The following CTNND2 variants were observed in gnomAD, a reference collection of about 807,000 sequenced individuals.
CTNND2 encodes catenin delta-2.
Under a neutral mutation model 144.4 loss-of-function variants are expected in CTNND2, and 22 were observed. The ratio of observed to expected loss-of-function variants is 0.15; its 90% confidence interval spans 0.11 to 0.22. CTNND2 has a LOEUF of 0.22. CTNND2 is among the 10% of genes least tolerant of loss of function. The pLI is 1.00. For synonymous variants in CTNND2, 751 were observed against 695.6 expected, an observed-to-expected ratio of 1.08 and a Z score of -1.25; for missense variants, 1,353 against 1,618.8, an observed-to-expected ratio of 0.84 and a Z score of 2.82.
chr5:11,413,580 G>A (rs1308157710), intron 3 of CTNND2, among the ~76,000 whole-genome samples: 1 of 152,162 alleles, frequency 6.6e-6, no homozygotes, highest in Non-Finnish European at 1.5e-5. Context: ...GCTTACTTGT[G>A]TCAGAATCAC....
chr5:11,709,171 G>A (rs560723717), intron 2 of CTNND2, among the ~76,000 whole-genome samples: 11 of 152,184 alleles, frequency 7.2e-5, no homozygotes, highest in Non-Finnish European at 1.5e-4. Flanking sequence ...TGACACACCC[G>A]GCTACTGAAG....
At chr5:11,102,001 A>T (rs913550065) in intron 14 of CTNND2, among the ~76,000 whole-genome samples, 1 of 151,938 alleles carries the variant, frequency 6.6e-6, no homozygotes. Context: ...ACGAAGACAG[A>T]GGCATTTGTG....
At chr5:11,354,149 C>T (rs534223682) in intron 8 of CTNND2, among the ~76,000 whole-genome samples, 28 of 152,206 alleles carry the variant, frequency 1.8e-4, no homozygotes, top group African/African-American at 6.3e-4. Context: ...TGGTTTCACA[C>T]GAGGCTCAAC....
intron 12 of CTNND2, among the ~76,000 whole-genome samples, chr5:11,151,907 GAT>G (rs1757786870): frequency 6.6e-6 from 1 of 152,166 alleles, no homozygotes; most frequent in Non-Finnish European, 1.5e-5. Context: ...TTTGGACAAT[GAT>G]ACTCCTTTTG....
chr5:11,639,054 G>T (rs1019548060), intron 2 of CTNND2, among the ~76,000 whole-genome samples: 3 of 152,086 alleles, frequency 2.0e-5, no homozygotes, highest in Non-Finnish European at 2.9e-5. Flanking sequence ...TACATTGGTA[G>T]TCTCCAAAAG....
chr5:11,844,577 T>C (rs1794644095), intron 1 of CTNND2, among the ~76,000 whole-genome samples: 1 of 152,178 alleles, frequency 6.6e-6, no homozygotes, highest in Admixed American at 6.5e-5. Context: ...GCTCTGGCAT[T>C]AGTATTACAA....
chr5:11,293,672 C>A (rs1748598184), intron 9 of CTNND2, among the ~76,000 whole-genome samples: 1 of 150,756 alleles, frequency 6.6e-6, no homozygotes, highest in East Asian at 2.0e-4. Context: ...AAAAAGCATT[C>A]AACAGCCCCG....
intron 9 of CTNND2, among the ~76,000 whole-genome samples, chr5:11,328,663 A>C (rs258841): frequency 0.15 from 23,090 of 152,008 alleles, 3,987 homozygotes; most frequent in African/African-American, 0.43. Flanking sequence ...GCCACTTAAT[A>C]TGCCTCCTTC....
chr5:11,894,254 A>G (rs1311962739), intron 1 of CTNND2, among the ~76,000 whole-genome samples: 1 of 152,124 alleles, frequency 6.6e-6, no homozygotes, highest in African/African-American at 2.4e-5. Flanking sequence ...CTCTTGAAGG[A>G]CAATAGGGCT....
intron 11 of CTNND2, among the ~76,000 whole-genome samples, chr5:11,163,132 G>A (rs1758961723): frequency 6.6e-6 from 1 of 152,148 alleles, no homozygotes; most frequent in Admixed American, 6.5e-5. Context: ...TCCATGAGTG[G>A]GGATTTGATT....
intron 2 of CTNND2, among the ~76,000 whole-genome samples, chr5:11,607,009 T>C (rs1780086136): frequency 6.6e-6 from 1 of 152,124 alleles, no homozygotes; most frequent in Admixed American, 6.5e-5. Flanking sequence ...AGCATCCTTG[T>C]AAAAAGGAGA....
chr5:11,560,578 T>C (rs187985589), intron 3 of CTNND2, among the ~76,000 whole-genome samples: 13 of 152,366 alleles, frequency 8.5e-5, no homozygotes, highest in Admixed American at 5.2e-4. Context: ...AGGGCACTTA[T>C]GGTAAAGTCA....
At chr5:11,893,506 T>C (rs2126306794) in intron 1 of CTNND2, among the ~76,000 whole-genome samples, 1 of 152,284 alleles carries the variant, frequency 6.6e-6, no homozygotes, top group South Asian at 2.1e-4. Context: ...ATTATAATAG[T>C]TCTGTTTCTA....
intron 8 of CTNND2, among the ~76,000 whole-genome samples, chr5:11,362,403 A>C (rs762869272): frequency 6.6e-6 from 1 of 152,196 alleles, no homozygotes; most frequent in Non-Finnish European, 1.5e-5. Context: ...TGTGGCTGTG[A>C]AAATGTGAAG....
At chr5:11,120,759 T>C (rs58569599) in intron 12 of CTNND2, among the ~76,000 whole-genome samples, 20,347 of 152,034 alleles carry the variant, frequency 0.13, 2,199 homozygotes, top group East Asian at 0.45. Context: ...TCAGTATACA[T>C]ACAGACTTGA....
chr5:11,472,593 G>T (rs1352717721), intron 3 of CTNND2, among the ~76,000 whole-genome samples: 2 of 152,084 alleles, frequency 1.3e-5, no homozygotes, highest in Admixed American at 6.5e-5. Flanking sequence ...GTAAGTTTCT[G>T]CATTTCAATC....
intron 15 of CTNND2, among the ~76,000 whole-genome samples, chr5:11,084,509 T>G (rs1439322442): frequency 1.3e-5 from 2 of 152,160 alleles, no homozygotes; most frequent in African/African-American, 2.4e-5. Flanking sequence ...AGAATGCAAA[T>G]CAGGGTGTGG....
chr5:11,674,054 T>G (rs985015075), intron 2 of CTNND2, among the ~76,000 whole-genome samples: 4 of 152,222 alleles, frequency 2.6e-5, no homozygotes, highest in Non-Finnish European at 5.9e-5. Context: ...AAGTCCTTCT[T>G]AAATTACAAT....
At chr5:11,023,749 A>G (rs978471314) in intron 16 of CTNND2, among the ~76,000 whole-genome samples, 4 of 152,224 alleles carry the variant, frequency 2.6e-5, no homozygotes, top group Non-Finnish European at 4.4e-5. Flanking sequence ...TCACTTTAAC[A>G]TTATTAATCT....
Sources: gnomAD v4.1 joint callset for allele counts (sites outside exome capture counted in the v4.1 genomes callset) on GRCh38, gnomAD v4.1.1 for gene constraint, MANE v1.5 for transcripts, NCBI Gene and HGNC (gene_info 2026-07-23, HGNC 2026-07-21) for gene names.